CSMD1: variants seen among roughly 807,000 people sequenced by gnomAD.
CSMD1 encodes the protein CUB and sushi domain-containing protein 1.
Under a neutral mutation model 417.5 loss-of-function variants are expected in CSMD1, and 213 were observed. The ratio of observed to expected loss-of-function variants is 0.51; its 90% CI spans 0.46 to 0.57. The LOEUF is 0.57. CSMD1 is among the 20% of genes least tolerant of loss of function. The pLI, the probability that CSMD1 is intolerant of heterozygous loss-of-function variation, is 0.00. For synonymous variants in CSMD1, 2,862 were observed against 1,736.8 expected (o/e 1.65, Z -16.11); for missense variants, 6,923 against 4,529.7 (o/e 1.53, Z -15.17).
intron 7 of CSMD1, among the ~76,000 whole-genome samples, chr8:3,673,314 A>G (rs28564670): frequency 0.17 from 25,671 of 152,200 alleles, 2,280 homozygotes; most frequent in South Asian, 0.22. Flanking sequence ...CTTAACAGGT[A>G]AACTGAAAAT....
intron 26 of CSMD1, among the ~76,000 whole-genome samples, chr8:3,277,319 C>T (rs369423952): frequency 2.8e-4 from 42 of 152,036 alleles, no homozygotes; most frequent in African/African-American, 8.2e-4. Context: ...CACGTTGCTG[C>T]GGAAAAGGTT....
chr8:3,272,588 G>T (rs1801948343), intron 26 of CSMD1, among the ~76,000 whole-genome samples: 1 of 136,534 alleles, frequency 7.3e-6, no homozygotes, highest in Non-Finnish European at 1.6e-5. Context: ...CCATTTGTTT[G>T]TATCTTCTTT....
At chr8:4,790,267 C>A (rs867706742) in intron 1 of CSMD1, among the ~76,000 whole-genome samples, 3 of 152,184 alleles carry the variant, frequency 2.0e-5, no homozygotes, top group African/African-American at 7.2e-5. Context: ...AGGAATACAG[C>A]TAACCAGGAA....
At chr8:4,159,828 G>C (rs1030997214) in intron 3 of CSMD1, among the ~76,000 whole-genome samples, 1 of 152,088 alleles carries the variant, frequency 6.6e-6, no homozygotes, top group Non-Finnish European at 1.5e-5. Flanking sequence ...TCTAAGTGAA[G>C]TAACTCTGGA....
chr8:2,943,806 A>T (rs1005776062), intron 68 of CSMD1, among the ~76,000 whole-genome samples: 6 of 152,244 alleles, frequency 3.9e-5, no homozygotes, highest in African/African-American at 1.4e-4. Flanking sequence ...GATTGGCGTC[A>T]TCTCAATATA....
chr8:4,779,660 A>G (rs978052009), intron 1 of CSMD1, among the ~76,000 whole-genome samples: 1 of 152,194 alleles, frequency 6.6e-6, no homozygotes, highest in Non-Finnish European at 1.5e-5. Flanking sequence ...TAGCATTTTT[A>G]TAAATAGTCT....
intron 7 of CSMD1, among the ~76,000 whole-genome samples, chr8:3,651,697 C>T (rs948740081): frequency 4.6e-5 from 7 of 152,068 alleles, no homozygotes; most frequent in South Asian, 2.1e-4. Flanking sequence ...ACCATCAGAG[C>T]GCTTACCACC....
intron 2 of CSMD1, among the ~76,000 whole-genome samples, chr8:4,456,994 A>AC (rs1799529295): frequency 6.6e-6 from 1 of 151,416 alleles, no homozygotes; most frequent in East Asian, 1.9e-4. Context: ...TTAAAAAAAA[A>AC]AAAAACAACA....
chr8:3,854,054 G>T (rs1178731184), intron 5 of CSMD1, among the ~76,000 whole-genome samples: 4 of 142,564 alleles, frequency 2.8e-5, no homozygotes, highest in African/African-American at 7.7e-5. Context: ...TAAAGTATAT[G>T]TATATTATAT....
At chr8:3,351,512 G>A (rs957761003) in intron 21 of CSMD1, among the ~76,000 whole-genome samples, 1 of 150,952 alleles carries the variant, frequency 6.6e-6, no homozygotes, top group African/African-American at 2.4e-5. Flanking sequence ...TTCGGAGGCT[G>A]CTTGAACCCA....
chr8:3,074,301 G>C (rs1395455709), intron 49 of CSMD1, among the ~76,000 whole-genome samples: 1 of 152,144 alleles, frequency 6.6e-6, no homozygotes, highest in Non-Finnish European at 1.5e-5. Context: ...AGCCCGTCTG[G>C]TGAGGTCCTA....
At chr8:3,506,536 C>G (rs992470010) in intron 10 of CSMD1, among the ~76,000 whole-genome samples, 1 of 152,212 alleles carries the variant, frequency 6.6e-6, no homozygotes, top group Non-Finnish European at 1.5e-5. Context: ...TACACAGATA[C>G]TTTACGTTTC....
intron 2 of CSMD1, among the ~76,000 whole-genome samples, chr8:4,597,399 T>A (rs73659133): frequency 6.6e-6 from 1 of 152,132 alleles, no homozygotes. Flanking sequence ...TGACCAAGGT[T>A]AAATATCCAT....
At chr8:3,179,339 A>G (rs555444715) in intron 37 of CSMD1, among the ~76,000 whole-genome samples, 105 of 152,344 alleles carry the variant, frequency 6.9e-4, no homozygotes, top group African/African-American at 2.5e-3. Context: ...GAATGGTGTT[A>G]GTATAAAAAA....
intron 3 of CSMD1, among the ~76,000 whole-genome samples, chr8:4,277,180 T>TACATACATAC (rs1796534290): frequency 6.8e-6 from 1 of 146,952 alleles, no homozygotes; most frequent in African/African-American, 2.5e-5. Context: ...TACATATTTA[T>TACATACATAC]ATGTCATCTA....
At chr8:3,331,827 T>C (rs555811356) in intron 23 of CSMD1, among the ~76,000 whole-genome samples, 2 of 152,360 alleles carry the variant, frequency 1.3e-5, no homozygotes, top group Admixed American at 1.3e-4. Context: ...TTTCTTTATG[T>C]GTAAACTTGA....
intron 1 of CSMD1, among the ~76,000 whole-genome samples, chr8:4,778,681 G>C (rs1055049700): frequency 6.6e-6 from 1 of 152,124 alleles, no homozygotes; most frequent in African/African-American, 2.4e-5. Flanking sequence ...CACCTGAGTA[G>C]CACTGTCCAA....
At chr8:4,073,174 G>C (rs777839365) in intron 3 of CSMD1, among the ~76,000 whole-genome samples, 1 of 152,206 alleles carries the variant, frequency 6.6e-6, no homozygotes, top group East Asian at 1.9e-4. Context: ...AAAAAATCGA[G>C]ATGAAGCACT....
At chr8:4,579,306 A>C (rs929529788) in intron 2 of CSMD1, among the ~76,000 whole-genome samples, 1 of 149,968 alleles carries the variant, frequency 6.7e-6, no homozygotes, top group Admixed American at 6.7e-5. Flanking sequence ...CCTCTTGCCA[A>C]TGGTGAAGTT....
Sources: allele counts gnomAD v4.1 joint callset (sites outside exome capture counted in the v4.1 genomes callset), GRCh38; gene constraint gnomAD v4.1.1; transcripts MANE v1.5; gene names NCBI Gene and HGNC (gene_info 2026-07-23, HGNC 2026-07-21).